GPC5: variants seen among roughly 807,000 people sequenced by gnomAD.
GPC5 encodes glypican 5, also known as glypican-5.
GPC5 carries 47 observed loss-of-function variants against 53.9 expected under a neutral mutation model. That is an observed-to-expected ratio of 0.87 (90% CI 0.69 to 1.11). The LOEUF (loss-of-function observed/expected upper bound fraction) is 1.11. Among genes scored for constraint, GPC5 ranks in the 50% most tolerant of loss-of-function variants. The pLI, the probability that GPC5 is intolerant of heterozygous loss-of-function variation, is 0.00. For missense variants in GPC5, 748 were observed against 713.1 expected (o/e 1.05, Z -0.56); for synonymous variants, 286 against 263.3 (o/e 1.09, Z -0.84).
intron 7 of GPC5, among the ~76,000 whole-genome samples, chr13:92,837,423 A>G (rs1878256585): frequency 6.6e-6 from 1 of 152,176 alleles, no homozygotes; most frequent in Non-Finnish European, 1.5e-5. Flanking sequence ...GGAAGGTCTT[A>G]AAAAGATGAG....
intron 6 of GPC5, among the ~76,000 whole-genome samples, chr13:91,951,782 G>C (rs193128736): frequency 2.0e-5 from 3 of 152,208 alleles, no homozygotes; most frequent in African/African-American, 7.2e-5. Flanking sequence ...TGTAATGGTA[G>C]AAAAGTAATT....
At chr13:91,713,528 A>G (rs1352595776) in intron 3 of GPC5, among the ~76,000 whole-genome samples, 4 of 152,250 alleles carry the variant, frequency 2.6e-5, no homozygotes, top group African/African-American at 9.6e-5. Context: ...AAAGTAGTTT[A>G]TTCCTAGAGT....
At chr13:92,349,121 G>A (rs144988645) in intron 7 of GPC5, among the ~76,000 whole-genome samples, 160 of 152,128 alleles carry the variant, frequency 1.1e-3, no homozygotes, top group African/African-American at 3.7e-3. Flanking sequence ...GAAACTAAGC[G>A]TCAGGTTTTT....
At chr13:92,311,458 C>CA (rs548510593) in intron 7 of GPC5, among the ~76,000 whole-genome samples, 17 of 152,098 alleles carry the variant, frequency 1.1e-4, no homozygotes, top group Non-Finnish European at 2.2e-4. Flanking sequence ...GATTTGGTCT[C>CA]AATGCTACTT....
At chr13:91,570,392 T>G (rs557725408) in intron 2 of GPC5, among the ~76,000 whole-genome samples, 3 of 152,294 alleles carry the variant, frequency 2.0e-5, no homozygotes, top group Admixed American at 1.3e-4. Flanking sequence ...TTTTGAAGTT[T>G]TGGATTTGAG....
chr13:92,826,804 G>GT (rs1421490704), intron 7 of GPC5, among the ~76,000 whole-genome samples: 2 of 152,060 alleles, frequency 1.3e-5, no homozygotes, highest in Admixed American at 6.6e-5. Context: ...TCATTTGCTT[G>GT]TTTTTTGTCC....
At chr13:92,325,804 G>A (rs2043246795) in intron 7 of GPC5, among the ~76,000 whole-genome samples, 1 of 151,992 alleles carries the variant, frequency 6.6e-6, no homozygotes, top group Non-Finnish European at 1.5e-5. Flanking sequence ...AACCAATAAG[G>A]AGTGACAGAA....
intron 5 of GPC5, among the ~76,000 whole-genome samples, chr13:91,867,316 T>C (rs889588934): frequency 1.2e-4 from 19 of 152,232 alleles, no homozygotes; most frequent in Admixed American, 1.2e-3. Context: ...ACAGGGAATC[T>C]TCACCACTTA....
chr13:91,699,095 A>G (rs2035942570), intron 3 of GPC5, among the ~76,000 whole-genome samples: 1 of 152,202 alleles, frequency 6.6e-6, no homozygotes, highest in Non-Finnish European at 1.5e-5. Flanking sequence ...CATGGATGAA[A>G]TTATTTTGAA....
At chr13:92,793,953 G>T (rs771065197) in intron 7 of GPC5, among the ~76,000 whole-genome samples, 2 of 152,094 alleles carry the variant, frequency 1.3e-5, no homozygotes, top group Non-Finnish European at 2.9e-5. Flanking sequence ...TCTACTAGAG[G>T]TAAAAACAGG....
intron 7 of GPC5, among the ~76,000 whole-genome samples, chr13:92,589,738 T>C (rs1044051136): frequency 3.9e-5 from 6 of 152,260 alleles, no homozygotes; most frequent in Admixed American, 1.3e-4. Flanking sequence ...TGTATAAAAT[T>C]AGTTAAACTA....
intron 7 of GPC5, among the ~76,000 whole-genome samples, chr13:92,759,088 C>A (rs770259382): frequency 6.4e-5 from 9 of 140,404 alleles, no homozygotes; most frequent in Non-Finnish European, 1.2e-4. Flanking sequence ...CTACTCTATC[C>A]CACTGGTCCA....
intron 7 of GPC5, among the ~76,000 whole-genome samples, chr13:92,354,188 T>A (rs2043503668): frequency 6.6e-6 from 1 of 152,228 alleles, no homozygotes; most frequent in Admixed American, 6.5e-5. Context: ...TTTTGCTCTA[T>A]AACTTGACAA....
chr13:92,264,876 C>CTGTGTG lies in GPC5; in HGVS notation c.1561+119888_1561+119889insGTGTGT, dbSNP rs1357258483. ...AGGGTCTCTCTCTCTCTCTCTCTCT[C>CTGTGTG]TCTGTGTGTGTGTGTGTGTGTGTGT... On this transcript the variant is annotated intron_variant, in intron 7 of 7. Coordinates refer to ENST00000377067, the MANE Select transcript of GPC5 (RefSeq NM_004466.6). Among the ~76,000 whole-genome samples the CTGTGTG allele has an allele frequency of 3.4e-3, 407 of 119,270 alleles. 1 individual carries two copies. The highest frequency in any genetic ancestry group is 4.6e-3 in the Non-Finnish European group (277 of 60,034). The allele number at this position is 119,270 out of a possible 152,430, so 78.2% of individuals were successfully genotyped here.
intron 7 of GPC5, among the ~76,000 whole-genome samples, chr13:92,263,740 T>G (rs973964171): frequency 6.6e-6 from 1 of 152,196 alleles, no homozygotes; most frequent in Non-Finnish European, 1.5e-5. Context: ...AGAATCCATT[T>G]TGGCTTAAAG....
intron 6 of GPC5, among the ~76,000 whole-genome samples, chr13:92,004,906 G>A (rs931652885): frequency 3.9e-5 from 6 of 152,064 alleles, no homozygotes; most frequent in Admixed American, 6.5e-5. Context: ...CCCATAACAC[G>A]TGAGAATTAT....
At chr13:92,290,223 C>T (rs904210815) in intron 7 of GPC5, among the ~76,000 whole-genome samples, 1 of 152,158 alleles carries the variant, frequency 6.6e-6, no homozygotes, top group African/African-American at 2.4e-5. Context: ...ATTGATTATG[C>T]AACATACTTT....
chr13:92,769,826 C>T (rs1297729503), intron 7 of GPC5, among the ~76,000 whole-genome samples: 1 of 152,140 alleles, frequency 6.6e-6, no homozygotes, highest in Non-Finnish European at 1.5e-5. Flanking sequence ...CAGTTTACTG[C>T]CCATTAATTC....
intron 5 of GPC5, among the ~76,000 whole-genome samples, chr13:91,887,072 C>G (rs946860077): frequency 4.6e-5 from 7 of 152,170 alleles, no homozygotes; most frequent in Non-Finnish European, 4.4e-5. Context: ...CCTGTGCCCC[C>G]CAACAGCAAA....
Sources: gnomAD v4.1 joint callset for allele counts (sites outside exome capture counted in the v4.1 genomes callset) on GRCh38, gnomAD v4.1.1 for gene constraint, MANE v1.5 for transcripts, NCBI Gene and HGNC (gene_info 2026-07-23, HGNC 2026-07-21) for gene names.